The following PDSS1 variants were observed in gnomAD, a reference collection of about 807,000 sequenced individuals.
The protein encoded by PDSS1 is all trans-polyprenyl-diphosphate synthase PDSS1.
Under a neutral mutation model 57.5 loss-of-function variants are expected in PDSS1, and 43 were observed. The ratio of observed to expected loss-of-function variants is 0.75; its 90% CI spans 0.59 to 0.96. PDSS1 has a LOEUF of 0.96. Ranked by LOEUF, PDSS1 falls within the 50% of genes least tolerant of loss-of-function variation. PDSS1 has a pLI of 0.00. For synonymous variants in PDSS1, 175 were observed against 191.3 expected (o/e 0.91, Z 0.70); for missense variants, 438 against 527.8 (o/e 0.83, Z 1.67).
At chr10:26,717,760 G>A (rs1289445690) in intron 5 of PDSS1, 32 of 152,024 alleles carry the variant, frequency 2.1e-4, no homozygotes, top group African/African-American at 4.8e-5. Context: ...CTTACCTGTT[G>A]TTTTAAGGTA....
intron 1 of PDSS1, among the ~76,000 whole-genome samples, chr10:26,698,591 TC>T (rs1834951084): frequency 6.6e-6 from 1 of 152,224 alleles, no homozygotes; most frequent in Non-Finnish European, 1.5e-5. Context: ...TGTGAGCCCT[TC>T]TGCGCTTTGT....
intron 2 of PDSS1, among the ~76,000 whole-genome samples, chr10:26,703,526 C>T (rs1564415597): frequency 1.3e-5 from 2 of 151,916 alleles, no homozygotes; most frequent in Non-Finnish European, 2.9e-5. Context: ...ATTAAGATGC[C>T]CTTATTTATA....
In PDSS1 at chr10:26,746,699, T is replaced by TAATC; in HGVS notation, c.*229_*232dup. On this transcript the variant is annotated 3_prime_UTR_variant, in exon 12 of 12. Transcript: ENST00000376215. ...TCTGTCATTCTAGTCCTATAAATTA[T>TAATC]AATCAAGGTATCTTGATGGTTATAT... The TAATC allele has an allele frequency of 1.9e-6, 1 of 524,548 alleles. No homozygotes were observed. The highest frequency in any genetic ancestry group is 3.1e-5 in the Admixed American group (1 of 31,968). 32.5% of individuals were successfully genotyped at this position (524,548 alleles called of 1,614,324 possible).
At chr10:26,727,586 C>T (rs1564429552) in intron 8 of PDSS1, among the ~76,000 whole-genome samples, 1 of 151,602 alleles carries the variant, frequency 6.6e-6, no homozygotes, top group Non-Finnish European at 1.5e-5. Context: ...ACCTCCACCT[C>T]CCAGGTTCAA....
intron 8 of PDSS1, among the ~76,000 whole-genome samples, chr10:26,734,166 C>A (rs1836308760): frequency 6.6e-6 from 1 of 152,216 alleles, no homozygotes; most frequent in Non-Finnish European, 1.5e-5. Context: ...GGCACAAATG[C>A]AGCCCCACAG....
chr10:26,718,255 C>T (rs1295847202), intron 5 of PDSS1, among the ~76,000 whole-genome samples: 4 of 151,894 alleles, frequency 2.6e-5, no homozygotes, highest in African/African-American at 4.8e-5. Context: ...GTTGTCCAGG[C>T]TGGTCTCGAA....
At position 26,711,285 on chromosome 10, in the gene PDSS1, A is replaced by G. The variant is rs998906727; in HGVS notation, c.467+1517A>G. Among the ~76,000 whole-genome samples the G allele has an allele frequency of 6.0e-5, 6 of 99,830 alleles. 2 individuals are homozygous for G. The highest frequency in any genetic ancestry group is 3.6e-4 in the Admixed American group (3 of 8,432). 65.5% of individuals were successfully genotyped at this position (99,830 alleles called of 152,430 possible). On this transcript the variant is annotated intron_variant, in intron 5 of 11. Coordinates refer to ENST00000376215, the MANE Select transcript of PDSS1 (RefSeq NM_014317.5). Reference sequence around the variant, plus strand: ...CATTTGTATTATATTTCCCCTTCTCAGTAGATATTTAAGGAATGCCTAAGA... The same window carrying G: ...CATTTGTATTATATTTCCCCTTCTCGGTAGATATTTAAGGAATGCCTAAGA...
At chr10:26,718,409 C>A (rs1835670027) in intron 5 of PDSS1, among the ~76,000 whole-genome samples, 1 of 152,008 alleles carries the variant, frequency 6.6e-6, no homozygotes, top group Non-Finnish European at 1.5e-5. Context: ...TTTAATACTC[C>A]CCCCTTAGAA....
At chr10:26,707,164 G>C (rs1428748584) in intron 4 of PDSS1, among the ~76,000 whole-genome samples, 1 of 152,116 alleles carries the variant, frequency 6.6e-6, no homozygotes, top group African/African-American at 2.4e-5. Flanking sequence ...TGTGTTTACC[G>C]GAGTTTTGCG....
In PDSS1 at chr10:26,734,348, G is replaced by A. The variant is rs185699989; in HGVS notation, c.832-892G>A. Among the ~76,000 whole-genome samples, 3 of 152,310 alleles carry A rather than the reference G, an allele frequency of 2.0e-5. No homozygotes were observed. The East Asian group carries it at 5.8e-4, about 29-fold the overall frequency. ...GCTCCAGCTGGCTTTCTCATGGAGAGTCAACAGAGACATTTCCCCTCCAGT... is the reference window on the plus strand; with the variant it reads ...GCTCCAGCTGGCTTTCTCATGGAGAATCAACAGAGACATTTCCCCTCCAGT... On this transcript the variant is annotated intron_variant, in intron 8 of 11. Transcript: ENST00000376215.
Position 26,697,835 on chromosome 10 carries a change from G to A in PDSS1, c.124G>A (p.Ala42Thr), listed in dbSNP as rs1834914924. ...LGPSAAAEVR[A>T]QVHRRKGLDL... ...GCCGAGCGCCGCTGCCGAAGTCCGCGCGCAGGTGAGGTTGGGAGGCGCGCG... is the reference window on the plus strand; with the variant it reads ...GCCGAGCGCCGCTGCCGAAGTCCGCACGCAGGTGAGGTTGGGAGGCGCGCG... The change falls in exon 1 of 12, where the codon GCG becomes ACG. Residue 42 changes from alanine to threonine, a missense_variant. Physicochemically the swap from Ala to Thr is moderately conservative, Grantham distance 58. This residue lies in a region of PDSS1 where 154 missense variants were observed against 137.0 expected (regional missense o/e 1.12). Transcript: ENST00000376215. 8 of 1,338,392 alleles carry A rather than the reference G, an allele frequency of 6.0e-6. No homozygotes were observed. The highest frequency in any genetic ancestry group is 7.7e-6 in the Non-Finnish European group (8 of 1,038,532). The allele number at this position is 1,338,392 out of a possible 1,614,324, so 82.9% of individuals were successfully genotyped here. A position where few individuals can be genotyped will look rare whatever the true frequency, so the allele number is the denominator to read the frequency against.
intron 10 of PDSS1, among the ~76,000 whole-genome samples, chr10:26,737,846 A>G (rs777150438): frequency 4.6e-5 from 7 of 152,026 alleles, no homozygotes; most frequent in Non-Finnish European, 1.0e-4. Context: ...CCCAGTCATG[A>G]GGCACCTACT....
At chr10:26,723,668 G>A (rs760531863) in intron 6 of PDSS1, 138 bp from the exon 7 acceptor site, 16 of 734,948 alleles carry the variant, frequency 2.2e-5, no homozygotes, top group African/African-American at 3.4e-5. Flanking sequence ...CTCCTGTTGA[G>A]GAAGAAGAAG....
intron 11 of PDSS1, 118 bp from the exon 12 acceptor site, chr10:26,746,215 A>G: frequency 9.8e-7 from 1 of 1,022,970 alleles, no homozygotes; most frequent in South Asian, 1.3e-5. Flanking sequence ...TTGACTGTTA[A>G]CTGTAATCCT....
intron 1 of PDSS1, 148 bp downstream of exon 1, chr10:26,697,988 G>T (rs1296225931): frequency 1.5e-6 from 1 of 674,752 alleles, no homozygotes; most frequent in Non-Finnish European, 2.0e-6. Flanking sequence ...GTGGGACTCC[G>T]GAGCTGAGGG....
intron 2 of PDSS1, among the ~76,000 whole-genome samples, chr10:26,702,690 G>A (rs552795186): frequency 3.3e-4 from 50 of 152,124 alleles, no homozygotes; most frequent in African/African-American, 1.2e-3. Flanking sequence ...AATACACCTC[G>A]TTTCTAAAAA....
intron 1 of PDSS1, 45 bp downstream of exon 1, chr10:26,697,885 C>T: frequency 8.0e-7 from 1 of 1,251,966 alleles, no homozygotes; most frequent in Non-Finnish European, 1.0e-6. Context: ...GAGGTCACGG[C>T]TCCAATGACA....
intron 5 of PDSS1, among the ~76,000 whole-genome samples, chr10:26,716,376 G>A (rs1835578493): frequency 6.6e-6 from 1 of 152,054 alleles, no homozygotes; most frequent in Admixed American, 6.6e-5. Context: ...CTATTTTTAG[G>A]TATGTTTGAA....
chr10:26,719,093 T>TC (rs749719088), intron 5 of PDSS1, among the ~76,000 whole-genome samples: 132 of 152,200 alleles, frequency 8.7e-4, no homozygotes, highest in Non-Finnish European at 1.4e-3. Flanking sequence ...CTCCCTTTTT[T>TC]CCCCTCTAAG....
Sources: gnomAD v4.1 joint callset for allele counts (sites outside exome capture counted in the v4.1 genomes callset) on GRCh38, gnomAD v4.1.1 for gene constraint, gnomAD v4.1.1 regional missense constraint, MANE v1.5 for transcripts, NCBI Gene and HGNC (gene_info 2026-07-23, HGNC 2026-07-21) for gene names.